The following HTATSF1 variants were observed in gnomAD, a reference collection of about 807,000 sequenced individuals.
The protein encoded by HTATSF1 is 17S U2 SnRNP complex component HTATSF1.
HTATSF1 carries 6 observed loss-of-function variants against 46.1 expected under a neutral mutation model. The ratio of observed to expected loss-of-function variants is 0.13; its 90% CI spans 0.07 to 0.26. The LOEUF (loss-of-function observed/expected upper bound fraction) is 0.26. HTATSF1 is among the 10% of genes least tolerant of loss of function. The pLI is 1.00. For missense variants in HTATSF1, 452 were observed against 559.9 expected (o/e 0.81, Z 1.94); for synonymous variants, 226 against 211.5 (o/e 1.07, Z -0.60).
At position 136,504,450 on chromosome X, in the gene HTATSF1, C is replaced by T. The variant is rs1434310165; in HGVS notation, c.821C>T (p.Pro274Leu). 1 of 1,202,170 alleles carries T rather than the reference C, an allele frequency of 8.3e-7. No homozygotes were observed. The highest frequency in any genetic ancestry group is 1.1e-6 in the Non-Finnish European group (1 of 888,686). ...GTCATCATCAAGAATATGTTTCATC[C>T]TATGGATTTTGAGGTAGGAAGTGGT... ...RVVIIKNMFH[P>L]MDFEDDPLVL... The change falls in exon 6 of 9, where the codon CCT becomes CTT. Residue 274 changes from proline to leucine, a missense_variant. By Grantham distance (98) the Pro-to-Leu change is moderately conservative. Transcript: ENST00000218364.
At chrX:136,506,683 C>T (rs2075743759) in intron 6 of HTATSF1, among the ~76,000 whole-genome samples, 1 of 112,491 alleles carries the variant, frequency 8.9e-6, no homozygotes. Flanking sequence ...ATTGTCTTGG[C>T]CGTGGCGGAA....
chrX:136,502,710 C>T (rs1274230414), intron 4 of HTATSF1, 68 bp from the exon 5 acceptor site: 100 of 560,142 alleles, frequency 1.8e-4, no homozygotes, highest in Non-Finnish European at 2.5e-4. Context: ...AATCATCGTT[C>T]ATCTAAAAAA....
chrX:136,508,674 T>TCC (rs1341310895), intron 6 of HTATSF1, among the ~76,000 whole-genome samples: 2 of 112,584 alleles, frequency 1.8e-5, no homozygotes, highest in Non-Finnish European at 3.8e-5. Flanking sequence ...TATATTGCTC[T>TCC]CTCTCTCTCC....
At chrX:136,497,924 G>A (rs1051729404) in intron 1 of HTATSF1, 54 bp downstream of exon 1, 6 of 962,523 alleles carry the variant, frequency 6.2e-6, no homozygotes, top group African/African-American at 1.9e-5. Context: ...CCAGCCTCGC[G>A]GGGCACTCCT....
At chrX:136,500,137 T>G in intron 2 of HTATSF1, 21 bp from the exon 3 acceptor site, 1 of 967,115 alleles carries the variant, frequency 1.0e-6, no homozygotes, top group Non-Finnish European at 1.5e-6. Flanking sequence ...TTTTATTTAT[T>G]TAATTAATTT....
chrX:136,510,910 T>C lies in HTATSF1; in HGVS notation c.1165T>C (p.Ser389Pro). 1 of 1,211,773 alleles carries C rather than the reference T, an allele frequency of 8.3e-7. No individual in the cohort carries two copies. The highest frequency in any genetic ancestry group is 1.1e-6 in the Non-Finnish European group (1 of 895,473). Residue 389 changes from serine (S) to proline (P), a missense_variant, in exon 9 of 9, where the codon TCT becomes CCT. Around this residue, in one of 3 missense-constraint regions of HTATSF1, gnomAD observed 117 missense variants for 222.2 expected, o/e 0.53. Coordinates refer to ENST00000218364, the MANE Select transcript of HTATSF1 (RefSeq NM_014500.5). Reference protein sequence around the residue: ...NRGLRRSDSVSASERAGPSRA... With the variant: ...NRGLRRSDSVPASERAGPSRA... ...AGGCCTTAGGCGTTCAGATTCTGTC[T>C]CTGCTTCCGAAAGGGCAGGGCCTTC...
In HTATSF1 at chrX:136,499,730, G is replaced by C; in HGVS notation, c.319G>C (p.Glu107Gln). Residue 107 changes from glutamate to glutamine, a missense_variant, in exon 2 of 9, where the codon GAA becomes CAA. Glu to Gln is a conservative substitution (Grantham distance 29, BLOSUM62 2). Transcript: ENST00000218364. ...GGAACCTCCACAAGAAAAAGCCCCG[G>C]AACCCACTGATGCCAGAAAGAAGGG... ...AEEPPQEKAP[E>Q]PTDARKKGEK... 2 of 1,190,617 alleles carry C rather than the reference G, an allele frequency of 1.7e-6. No individual in the cohort carries two copies. The highest frequency in any genetic ancestry group is 2.2e-6 in the Non-Finnish European group (2 of 889,177).
intron 6 of HTATSF1, among the ~76,000 whole-genome samples, chrX:136,508,446 G>A (rs866529093): frequency 2.7e-5 from 3 of 112,245 alleles, no homozygotes; most frequent in South Asian, 3.7e-4. Flanking sequence ...AGAAACAGCA[G>A]TACTTGAATG....
rs377544350 is a variant in HTATSF1 at position 136,510,792 on chromosome X, C to T, written c.1063-16C>T. 11 of 1,166,590 alleles carry T rather than the reference C, an allele frequency of 9.4e-6. No homozygotes were observed. In the African/African-American group the frequency reaches 2.0e-4, roughly 21 times the overall value. Reference sequence around the variant, plus strand: ...GCCTGAAACTTATTTTAATGGCAGTCTCCATTTATCCACAGGTGGAGGAAA... The same window carrying T: ...GCCTGAAACTTATTTTAATGGCAGTTTCCATTTATCCACAGGTGGAGGAAA... On this transcript the variant is annotated splice_polypyrimidine_tract_variant and intron_variant, in intron 8 of 8. Coordinates refer to ENST00000218364, the MANE Select transcript of HTATSF1 (RefSeq NM_014500.5).
chrX:136,499,884 T>A, intron 2 of HTATSF1, 106 bp downstream of exon 2: 1 of 636,476 alleles, frequency 1.6e-6, no homozygotes, highest in Non-Finnish European at 2.3e-6. Flanking sequence ...AGGAATAAGG[T>A]GAGTTTTTTC....
chrX:136,506,051 C>G (rs1471374229), intron 6 of HTATSF1, among the ~76,000 whole-genome samples: 1 of 111,941 alleles, frequency 8.9e-6, no homozygotes, highest in African/African-American at 3.3e-5. Flanking sequence ...TTCAAACTAT[C>G]TGGAACCTCT....
chrX:136,504,994 C>CA lies in HTATSF1; in HGVS notation c.834+537dup, dbSNP rs200464335. Among the ~76,000 whole-genome samples, 253 of 112,084 alleles carry CA rather than the reference C, an allele frequency of 2.3e-3. 3 individuals are homozygous for CA. Among genetic ancestry groups the CA allele is most frequent in the Admixed American group, 0.022 (231 of 10,631 alleles). On this transcript the variant is annotated intron_variant, in intron 6 of 8. Transcript: ENST00000218364. The stretch of plus-strand genomic sequence containing the variant: ...TTAATGGAACTGTCCTTCCTCCCCT[C>CA]AAAAAAGTGAATAAAGGAGAAGCAA...
At position 136,510,145 on chromosome X, in the gene HTATSF1, C is replaced by A; in HGVS notation, c.988C>A (p.Gln330Lys). 1 of 1,209,348 alleles carries A rather than the reference C, an allele frequency of 8.3e-7. No homozygotes were observed. Among genetic ancestry groups the A allele is most frequent in the Non-Finnish European group, 1.1e-6 (1 of 893,713 alleles). ...RDPEEADYCI[Q>K]TLDGRWFGGR... ...TCCAGAGGAAGCTGATTATTGTATT[C>A]AGACTCTCGATGGAAGATGGTTTGG... Residue 330 changes from glutamine (Q) to lysine (K), a missense_variant, in exon 8 of 9, where the codon CAG becomes AAG. Transcript: ENST00000218364.
At chrX:136,500,404 A>G (rs978266829) in intron 3 of HTATSF1, among the ~76,000 whole-genome samples, 199 bp downstream of exon 3, 4 of 112,055 alleles carry the variant, frequency 3.6e-5, no homozygotes, top group Admixed American at 2.8e-4. Flanking sequence ...TTGCATACCA[A>G]CCTTTAGGCC....
intron 8 of HTATSF1, 79 bp downstream of exon 8, chrX:136,510,298 G>A (rs2075761499): frequency 1.0e-6 from 1 of 972,480 alleles, no homozygotes; most frequent in Non-Finnish European, 1.4e-6. Context: ...TAAATTTTGG[G>A]TTTGGTTTAA....
chrX:136,497,799 G>T lies in HTATSF1; in HGVS notation c.115G>T (p.Asp39Tyr). Residue 39 changes from aspartate (D) to tyrosine (Y), a missense_variant, in exon 1 of 9, where the codon GAT becomes TAT. Physicochemically the swap from Asp to Tyr is radical, Grantham distance 160. Coordinates refer to ENST00000218364, the MANE Select transcript of HTATSF1 (RefSeq NM_014500.5). ...CCAGACCGATGCCGGCGGAGAACCC[G>T]ATTCTCTCGGGCAGCAGCCGACGGA... The part of the protein sequence containing the change: ...DTQTDAGGEP[D>Y]SLGQQPTDTP... 8.3e-7 allele frequency: 1 copy of T among 1,201,543 alleles called. No individual in the cohort carries two copies. Among genetic ancestry groups the T allele is most frequent in the Non-Finnish European group, 1.1e-6 (1 of 888,251 alleles).
At chrX:136,510,243 G>T in intron 8 of HTATSF1, 24 bp downstream of exon 8, 1 of 1,193,772 alleles carries the variant, frequency 8.4e-7, no homozygotes, top group Non-Finnish European at 1.1e-6. Flanking sequence ...CTTGTCAAGG[G>T]CACACACATT....
intron 8 of HTATSF1, among the ~76,000 whole-genome samples, chrX:136,510,543 A>G (rs190751424): frequency 4.4e-4 from 50 of 112,464 alleles, no homozygotes; most frequent in African/African-American, 1.6e-3. Context: ...GCTGTAAAGT[A>G]TAGACAGAGC....
At chrX:136,506,307 G>T (rs1305928091) in intron 6 of HTATSF1, among the ~76,000 whole-genome samples, 2 of 110,540 alleles carry the variant, frequency 1.8e-5, no homozygotes, top group African/African-American at 3.3e-5. Flanking sequence ...TAATCTTCTT[G>T]GTTTAGTATA....
Sources: gnomAD v4.1 joint callset for allele counts (sites outside exome capture counted in the v4.1 genomes callset) on GRCh38, gnomAD v4.1.1 for gene constraint, gnomAD v4.1.1 regional missense constraint, MANE v1.5 for transcripts, NCBI Gene and HGNC (gene_info 2026-07-23, HGNC 2026-07-21) for gene names.